Variants in DLEC1 observed in about 807,000 individuals in gnomAD.
DLEC1 encodes DLEC1 cilia and flagella associated protein.
DLEC1 carries 146 observed loss-of-function variants against 198.1 expected under a neutral mutation model. The ratio of observed to expected loss-of-function variants is 0.74; its 90% CI spans 0.64 to 0.85. DLEC1 has a LOEUF of 0.85. Ranked by LOEUF, DLEC1 falls within the 40% of genes least tolerant of loss-of-function variation. The pLI, the probability that DLEC1 is intolerant of heterozygous loss-of-function variation, is 0.00. For synonymous variants in DLEC1, 897 were observed against 866.8 expected (o/e 1.03, Z -0.61); for missense variants, 2,233 against 2,220.0 (o/e 1.01, Z -0.12).
chr3:38,078,910 G>T (rs1007329140), intron 6 of DLEC1, among the ~76,000 whole-genome samples: 9 of 152,222 alleles, frequency 5.9e-5, no homozygotes, highest in African/African-American at 2.2e-4. Context: ...TTTTAGGACA[G>T]GTAAAATGGA....
rs1166119767 is a variant in DLEC1, at chr3:38,122,967, G to C, written c.*555G>C. 2 of 1,432,496 alleles carry C rather than the reference G, an allele frequency of 1.4e-6. No homozygotes were observed. The highest frequency in any genetic ancestry group is 2.8e-5 in the African/African-American group (2 of 71,052). 88.7% of individuals were successfully genotyped at this position (1,432,496 alleles called of 1,614,324 possible). A position where few individuals can be genotyped will look rare whatever the true frequency, so the allele number is the denominator to read the frequency against. The stretch of plus-strand genomic sequence containing the variant: ...CCACCAGTGCTGAGTTTTCCCATGT[G>C]GTTTTGCTTTTGTGGTGTTACTGCC... On this transcript the variant is annotated 3_prime_UTR_variant, in exon 37 of 37. Coordinates refer to ENST00000308059, the MANE Select transcript of DLEC1 (RefSeq NM_007335.4).
chr3:38,114,680 T>A (rs1700057612), intron 26 of DLEC1, among the ~76,000 whole-genome samples: 1 of 151,908 alleles, frequency 6.6e-6, no homozygotes, highest in South Asian at 2.1e-4. Context: ...GGGGCAGAAG[T>A]GGCGAGTAGT....
chr3:38,088,831 C>T (rs778100854), intron 10 of DLEC1, among the ~76,000 whole-genome samples: 11 of 152,110 alleles, frequency 7.2e-5, no homozygotes, highest in Non-Finnish European at 1.0e-4. Flanking sequence ...AACTCCGTTA[C>T]GCCTCATCCT....
intron 6 of DLEC1, among the ~76,000 whole-genome samples, chr3:38,075,574 C>T (rs1046027275): frequency 3.1e-4 from 45 of 147,248 alleles, no homozygotes; most frequent in Admixed American, 9.6e-4. Flanking sequence ...GGAAGGGGTT[C>T]GGGGGTTCTT....
chr3:38,096,735 A>C lies in DLEC1; in HGVS notation c.2338A>C (p.Lys780Gln). ...TGGGATAAATGTGAAGAAGGCTTTT[A>C]AGGTAGGTCATTGTCTCTCCCCTGC... ...YIGINVKKAF[K>Q]MWNNSKSPIR... is the part of the protein sequence containing the mutation. Residue 780 changes from lysine to glutamine, a missense_variant and splice_region_variant, in exon 15 of 37, where the codon AAG becomes CAG. Transcript: ENST00000308059. The C allele has an allele frequency of 6.2e-7, 1 of 1,605,950 alleles. No individual in the cohort carries two copies. The highest frequency in any genetic ancestry group is 8.5e-7 in the Non-Finnish European group (1 of 1,176,064).
At chr3:38,046,589 G>A (rs373175024) in intron 2 of DLEC1, among the ~76,000 whole-genome samples, 61 of 152,196 alleles carry the variant, frequency 4.0e-4, no homozygotes, top group Admixed American at 1.2e-3. Context: ...ACACAGTCTC[G>A]GGTATTTATT....
chr3:38,085,240 C>T (rs1228926861), intron 7 of DLEC1, 34 bp from the exon 8 acceptor site: 8 of 1,613,320 alleles, frequency 5.0e-6, no homozygotes, highest in Admixed American at 1.7e-5. Context: ...TGGCTGCTCC[C>T]AGGATCCTCA....
At chr3:38,103,290 T>A (rs1477357842) in intron 19 of DLEC1, 1 of 152,288 alleles carries the variant, frequency 6.6e-6, no homozygotes, top group Non-Finnish European at 1.5e-5. Flanking sequence ...CTCTGAGCTC[T>A]GGGGCTGGAG....
rs9822548 is a variant in DLEC1, at chr3:38,120,543, G to A, written c.4800G>A (p.Ala1600=). The change falls in exon 34 of 37, where the codon GCG becomes GCA. Residue 1600 remains alanine (A), a synonymous_variant. Coordinates refer to ENST00000308059, the MANE Select transcript of DLEC1 (RefSeq NM_007335.4). ...TLPGVDIQQS[A]SGEREMVFTQ... is the part of the protein sequence containing the mutation. Reference sequence around the variant, plus strand: ...CTGGGGTGGACATTCAGCAGAGTGCGAGTGGAGAGAGAGAGATGGTGTTTA... The same window carrying A: ...CTGGGGTGGACATTCAGCAGAGTGCAAGTGGAGAGAGAGAGATGGTGTTTA... The A allele has an allele frequency of 9.3e-4, 1,500 of 1,614,214 alleles. 15 individuals carry two copies. The African/African-American group carries it at 0.018, about 19-fold the overall frequency.
chr3:38,046,609 A>G (rs886676440), intron 2 of DLEC1, among the ~76,000 whole-genome samples: 1 of 152,192 alleles, frequency 6.6e-6, no homozygotes, highest in African/African-American at 2.4e-5. Context: ...TCATAGCAGT[A>G]TGAAAATGGA....
intron 31 of DLEC1, 22 bp downstream of exon 31, chr3:38,117,324 A>G (rs1700230376): frequency 1.7e-5 from 27 of 1,612,506 alleles, no homozygotes; most frequent in Non-Finnish European, 2.0e-5. Context: ...GGGGTGCCCC[A>G]TCTCCTTTCA....
intron 5 of DLEC1, among the ~76,000 whole-genome samples, chr3:38,063,069 A>C (rs1418200182): frequency 2.0e-5 from 3 of 152,234 alleles, no homozygotes; most frequent in Admixed American, 2.0e-4. Context: ...ATCTGGGTCA[A>C]ATGGAAGCAA....
At position 38,097,753 on chromosome 3, in the gene DLEC1, C is replaced by G. The variant is rs758293974; in HGVS notation, c.2575C>G (p.Leu859Val). Residue 859 changes from leucine (L) to valine (V), a missense_variant, in exon 18 of 37, where the codon CTC (leucine) becomes GTC (valine). By Grantham distance (32) the Leu-to-Val change is conservative. Transcript: ENST00000308059. ...CCTCTGGGTGTCTCAGGGGCCTGCC[C>G]TCATCATCAACGTCTCAGCCCTTCA... ...HIEAVFKGPA[L>V]IINVSALQFG... The G allele has an allele frequency of 6.2e-7, 1 of 1,614,164 alleles. No individual in the cohort carries two copies. The highest frequency in any genetic ancestry group is 8.5e-7 in the Non-Finnish European group (1 of 1,180,022).
intron 25 of DLEC1, among the ~76,000 whole-genome samples, chr3:38,113,129 T>C (rs1055381843): frequency 6.6e-6 from 1 of 152,046 alleles, no homozygotes; most frequent in African/African-American, 2.4e-5. Flanking sequence ...GAAAGACAAA[T>C]ACAGACAGAC....
At chr3:38,103,964 CA>C (rs1699435980) in intron 19 of DLEC1, among the ~76,000 whole-genome samples, 1 of 151,982 alleles carries the variant, frequency 6.6e-6, no homozygotes, top group Admixed American at 6.6e-5. Flanking sequence ...ACAGCTATAG[CA>C]AAAAAGTTTG....
intron 6 of DLEC1, among the ~76,000 whole-genome samples, chr3:38,082,765 G>T (rs2125664428): frequency 6.6e-6 from 1 of 151,986 alleles, no homozygotes; most frequent in East Asian, 1.9e-4. Context: ...GAGAGAAGGG[G>T]TTGGGGTACT....
At position 38,112,974 on chromosome 3, in the gene DLEC1, G is replaced by A. The variant is rs1699968001; in HGVS notation, c.3666+613G>A. On this transcript the variant is annotated intron_variant, in intron 25 of 36. Transcript: ENST00000308059. This position sits in a 1 kb window ranked among gnomAD's most constrained non-coding sequence, Gnocchi z 4.8. ...CATGAACTATTTAGTAAATTGAACAGATTAATTATAGTAGATATTTGCTTT... is the reference window on the plus strand; with the variant it reads ...CATGAACTATTTAGTAAATTGAACAAATTAATTATAGTAGATATTTGCTTT... 6.6e-6 allele frequency among the ~76,000 whole-genome samples: 1 copy of A among 152,224 alleles called. No individual in the cohort carries two copies. The highest frequency in any genetic ancestry group is 2.1e-4 in the South Asian group (1 of 4,832).
chr3:38,122,365 G>A lies in DLEC1; in HGVS notation c.5221G>A (p.Gly1741Ser). Reference protein sequence around the residue: ...GEKSCTLRLRGQGSYDERYML... With the variant: ...GEKSCTLRLRSQGSYDERYML... ...GAAGTCCTGCACCCTGCGGCTCCGG[G>A]GCCAAGGCTCCTATGATGAGAGATA... Residue 1741 changes from glycine (G) to serine (S), a missense_variant, in exon 37 of 37, where the codon GGC becomes AGC. Coordinates refer to ENST00000308059, the MANE Select transcript of DLEC1 (RefSeq NM_007335.4). 1 of 1,614,170 alleles carries A rather than the reference G, an allele frequency of 6.2e-7. No homozygotes were observed. Among genetic ancestry groups the A allele is most frequent in the South Asian group, 1.1e-5 (1 of 91,080 alleles).
intron 2 of DLEC1, among the ~76,000 whole-genome samples, chr3:38,052,680 A>C (rs762053481): frequency 1.3e-5 from 2 of 152,186 alleles, no homozygotes; most frequent in Non-Finnish European, 2.9e-5. Flanking sequence ...AGGGAAGTTT[A>C]TCTGAGATCT....
Sources: gnomAD v4.1 joint callset for allele counts (sites outside exome capture counted in the v4.1 genomes callset) on GRCh38, gnomAD v4.1.1 for gene constraint, Gnocchi (gnomAD v3.1) non-coding constraint, MANE v1.5 for transcripts, NCBI Gene and HGNC (gene_info 2026-07-23, HGNC 2026-07-21) for gene names.